SMIM17: variants seen among roughly 807,000 people sequenced by gnomAD.
The protein encoded by SMIM17 is small integral membrane protein 17.
A neutral mutation model predicts 12.2 loss-of-function variants in SMIM17; 10 were observed. That is an observed-to-expected ratio of 0.82 (90% CI 0.50 to 1.39). SMIM17 has a LOEUF of 1.39. Ranked by LOEUF, SMIM17 falls within the 40% of genes most tolerant of loss-of-function variation. The pLI, the probability that SMIM17 is intolerant of heterozygous loss-of-function variation, is 0.00. For synonymous variants in SMIM17, 50 were observed against 44.1 expected, an observed-to-expected ratio of 1.13 and a Z score of -0.53; for missense variants, 136 against 118.2, an observed-to-expected ratio of 1.15 and a Z score of -0.70.
At chr19:56,647,276 A>G (rs1228300363) in intron 2 of SMIM17, among the ~76,000 whole-genome samples, 1 of 152,070 alleles carries the variant, frequency 6.6e-6, no homozygotes, top group Non-Finnish European at 1.5e-5. Flanking sequence ...ACCCAGTTGA[A>G]GTTTTCTAGG....
intron 1 of SMIM17, among the ~76,000 whole-genome samples, chr19:56,644,242 A>G (rs1193325597): frequency 6.6e-6 from 1 of 152,012 alleles, no homozygotes; most frequent in East Asian, 1.9e-4. Flanking sequence ...CAATAAACAA[A>G]TCAGAACTCC....
chr19:56,653,701 A>T (rs1167175072), intron 3 of SMIM17, among the ~76,000 whole-genome samples: 2 of 152,340 alleles, frequency 1.3e-5, no homozygotes, highest in South Asian at 2.1e-4. Context: ...AGGTTTGGGA[A>T]CTGCTTAAGT....
chr19:56,647,690 A>G (rs2045075371), intron 3 of SMIM17, 56 bp downstream of exon 3: 1 of 1,416,382 alleles, frequency 7.1e-7, no homozygotes, highest in African/African-American at 1.4e-5. Context: ...AGATCTCAGC[A>G]CTTTGTCACA....
At chr19:56,653,834 G>C (rs2045127814) in intron 3 of SMIM17, among the ~76,000 whole-genome samples, 1 of 152,190 alleles carries the variant, frequency 6.6e-6, no homozygotes, top group South Asian at 2.1e-4. Flanking sequence ...TTCCATCAAT[G>C]ATTTATAATA....
intron 3 of SMIM17, among the ~76,000 whole-genome samples, chr19:56,650,317 G>T (rs140730511): frequency 6.6e-6 from 1 of 152,110 alleles, no homozygotes; most frequent in Admixed American, 6.5e-5. Flanking sequence ...AGGACTACAG[G>T]CGCACACCAC....
rs138292961 is a variant in SMIM17, at chr19:56,652,662, G to GA, written c.247-2431dup. Among the ~76,000 whole-genome samples, 641 of 145,322 alleles carry GA rather than the reference G, an allele frequency of 4.4e-3. 6 individuals carry two copies. Among genetic ancestry groups the GA allele is most frequent in the African/African-American group, 0.014 (551 of 38,026 alleles). The stretch of plus-strand genomic sequence containing the variant: ...GCGAGACTCTCCTTCTCAAAAAAAA[G>GA]AAAAAAAAAAGAGAGAGAGAGAGAG... On this transcript the variant is annotated intron_variant, in intron 3 of 3. Transcript: ENST00000598409.
intron 1 of SMIM17, among the ~76,000 whole-genome samples, 186 bp downstream of exon 1, chr19:56,643,396 C>T (rs528142542): frequency 6.6e-6 from 1 of 152,172 alleles, no homozygotes; most frequent in Admixed American, 6.5e-5. Context: ...CAAGCCCGTC[C>T]GGTGGGAGAG....
chr19:56,648,825 A>C (rs1183860116), intron 3 of SMIM17, among the ~76,000 whole-genome samples: 1 of 152,236 alleles, frequency 6.6e-6, no homozygotes. Context: ...ATAAGATATC[A>C]ATATAAGAAA....
At chr19:56,654,887 T>C (rs774661649) in intron 3 of SMIM17, among the ~76,000 whole-genome samples, 3 of 152,210 alleles carry the variant, frequency 2.0e-5, no homozygotes, top group Non-Finnish European at 4.4e-5. Context: ...ATTTTGAAAT[T>C]GTCATCCCAT....
chr19:56,649,999 T>C (rs2045096983), intron 3 of SMIM17, among the ~76,000 whole-genome samples: 1 of 152,032 alleles, frequency 6.6e-6, no homozygotes, highest in South Asian at 2.1e-4. Context: ...ACTTACAGAA[T>C]CACTCTGGGA....
At position 56,647,543 on chromosome 19, in the gene SMIM17, C is replaced by T. The variant is rs1328098294; in HGVS notation, c.170-15C>T. ...ACTCATGGCTCCTTTTTCCTCCACT[C>T]CCACCCTCACCCAGACCTGTCTTCT... On this transcript the variant is annotated splice_polypyrimidine_tract_variant and intron_variant, in intron 2 of 3. Coordinates refer to ENST00000598409, the MANE Select transcript of SMIM17 (RefSeq NM_001193628.2). 1 of 1,533,914 alleles carries T rather than the reference C, an allele frequency of 6.5e-7. No homozygotes were observed. Among genetic ancestry groups the T allele is most frequent in the South Asian group, 1.2e-5 (1 of 83,886 alleles).
At position 56,656,180 on chromosome 19, in the gene SMIM17, G is replaced by A. The variant is rs868719747; in HGVS notation, c.*967G>A. Among the ~76,000 whole-genome samples, 7 of 151,918 alleles carry A rather than the reference G, an allele frequency of 4.6e-5. No homozygotes were observed. The highest frequency in any genetic ancestry group is 1.3e-4 in the Admixed American group (2 of 15,262). ...AGGATGGTCTCGATCTCCTGACCTC[G>A]TGATCCGCCCGCCTTGGCCTCCCAA... On this transcript the variant is annotated 3_prime_UTR_variant, in exon 4 of 4. Transcript: ENST00000598409.
At chr19:56,647,738 A>C in intron 3 of SMIM17, 104 bp downstream of exon 3, 1 of 944,422 alleles carries the variant, frequency 1.1e-6, no homozygotes, top group South Asian at 1.5e-5. Context: ...GCCCCATAAA[A>C]ATCTCAAGAG....
rs1455719023 is a variant in SMIM17, at chr19:56,655,513, T to C, written c.*300T>C. 2.7e-6 allele frequency: 1 copy of C among 365,310 alleles called. No homozygotes were observed. The highest frequency in any genetic ancestry group is 4.9e-6 in the Non-Finnish European group (1 of 205,650). 22.6% of individuals were successfully genotyped at this position (365,310 alleles called of 1,614,324 possible). A position where few individuals can be genotyped will look rare whatever the true frequency, so the allele number is the denominator to read the frequency against. On this transcript the variant is annotated 3_prime_UTR_variant, in exon 4 of 4. Transcript: ENST00000598409. ...AAGATATCTCCTGACTTTGAGAAGA[T>C]GAAAAAATGTGCAACTGAAGATCAA...
chr19:56,651,115 C>G (rs542441705), intron 3 of SMIM17, among the ~76,000 whole-genome samples: 2 of 152,298 alleles, frequency 1.3e-5, no homozygotes, highest in South Asian at 4.1e-4. Context: ...ATGACAGTTA[C>G]AGCCTCATTA....
chr19:56,650,824 A>G (rs1408034194), intron 3 of SMIM17, among the ~76,000 whole-genome samples: 1 of 152,246 alleles, frequency 6.6e-6, no homozygotes, highest in African/African-American at 2.4e-5. Flanking sequence ...AGCCTCCAGC[A>G]TAGGGATCAA....
At chr19:56,649,394 G>A (rs1172458635) in intron 3 of SMIM17, among the ~76,000 whole-genome samples, 1 of 152,184 alleles carries the variant, frequency 6.6e-6, no homozygotes, top group Non-Finnish European at 1.5e-5. Flanking sequence ...AGTGGTCCCT[G>A]CCTTCATGGA....
chr19:56,643,646 C>T (rs1259650591), intron 1 of SMIM17, among the ~76,000 whole-genome samples: 2 of 152,146 alleles, frequency 1.3e-5, no homozygotes, highest in Non-Finnish European at 2.9e-5. Context: ...GTTGTGTGTC[C>T]GCCTGGGCCC....
chr19:56,652,954 T>C (rs2045121190), intron 3 of SMIM17, among the ~76,000 whole-genome samples: 1 of 152,220 alleles, frequency 6.6e-6, no homozygotes, highest in Admixed American at 6.5e-5. Context: ...CATCCATGGG[T>C]CTATTATGTG....
Sources: gnomAD v4.1 joint callset for allele counts (sites outside exome capture counted in the v4.1 genomes callset) on GRCh38, gnomAD v4.1.1 for gene constraint, MANE v1.5 for transcripts, NCBI Gene and HGNC (gene_info 2026-07-23, HGNC 2026-07-21) for gene names.